Variants in FSTL5 observed in about 807,000 individuals in gnomAD.
FSTL5 encodes the protein follistatin-related protein 5.
In FSTL5, 62 loss-of-function variants were observed where a neutral mutation model predicts 89.1. The observed-to-expected ratio is 0.70, with a 90% CI of 0.57 to 0.86. The LOEUF (loss-of-function observed/expected upper bound fraction) is 0.86, where lower values mean the gene tolerates loss of function less well. Ranked by LOEUF, FSTL5 falls within the 40% of genes least tolerant of loss-of-function variation. The pLI, the probability that FSTL5 is intolerant of heterozygous loss-of-function variation, is 0.00. For missense variants in FSTL5, 1,057 were observed against 1,001.6 expected, an observed-to-expected ratio of 1.06 and a Z score of -0.75; for synonymous variants, 383 against 346.2, an observed-to-expected ratio of 1.11 and a Z score of -1.18.
intron 15 of FSTL5, among the ~76,000 whole-genome samples, chr4:161,449,284 C>A (rs1733066046): frequency 6.6e-6 from 1 of 152,080 alleles, no homozygotes; most frequent in South Asian, 2.1e-4. Context: ...AACCCCTAGA[C>A]AAAAATGGCA....
chr4:162,126,004 A>G (rs1270745963), intron 1 of FSTL5, among the ~76,000 whole-genome samples: 1 of 152,000 alleles, frequency 6.6e-6, no homozygotes. Context: ...AAAATATTCA[A>G]TGTATCTTTC....
At chr4:161,597,674 T>C (rs1734074357) in intron 7 of FSTL5, among the ~76,000 whole-genome samples, 4 of 148,904 alleles carry the variant, frequency 2.7e-5, no homozygotes, top group South Asian at 2.1e-4. Context: ...AAAAAAAGAA[T>C]AAAAAGGAGA....
chr4:161,792,806 C>T (rs1270520280), intron 4 of FSTL5, among the ~76,000 whole-genome samples: 2 of 152,134 alleles, frequency 1.3e-5, no homozygotes, highest in African/African-American at 4.8e-5. Flanking sequence ...TGTCCATGTA[C>T]CTTATTCTTC....
intron 1 of FSTL5, among the ~76,000 whole-genome samples, chr4:162,147,226 G>A (rs1235354753): frequency 6.6e-6 from 1 of 151,688 alleles, no homozygotes; most frequent in Non-Finnish European, 1.5e-5. Flanking sequence ...TCTTATCTGG[G>A]AATTAGTTTC....
intron 4 of FSTL5, among the ~76,000 whole-genome samples, chr4:161,777,608 GC>G (rs1741459293): frequency 6.6e-6 from 1 of 151,472 alleles, no homozygotes; most frequent in African/African-American, 2.4e-5. Flanking sequence ...CTTTTTTAGG[GC>G]CCCTGGTATA....
At chr4:162,068,648 A>G (rs1311589982) in intron 2 of FSTL5, among the ~76,000 whole-genome samples, 1 of 152,090 alleles carries the variant, frequency 6.6e-6, no homozygotes, top group Admixed American at 6.6e-5. Flanking sequence ...AGGCAAAGAT[A>G]TCATGATGAA....
chr4:161,496,822 A>AGAGATAGAGATC (rs1658923446), intron 12 of FSTL5, among the ~76,000 whole-genome samples: 2 of 151,930 alleles, frequency 1.3e-5, no homozygotes, highest in Admixed American at 6.6e-5. Flanking sequence ...AGATAGAGAT[A>AGAGATAGAGATC]GAGATAGAGA....
chr4:161,695,716 T>G (rs1053270066), intron 6 of FSTL5, among the ~76,000 whole-genome samples: 1 of 152,114 alleles, frequency 6.6e-6, no homozygotes. Flanking sequence ...TGATCATTAG[T>G]GATGTTGAGC....
intron 3 of FSTL5, among the ~76,000 whole-genome samples, chr4:161,993,710 T>C (rs1471055479): frequency 1.3e-5 from 2 of 152,072 alleles, no homozygotes; most frequent in African/African-American, 4.8e-5. Context: ...TCTAGCATGC[T>C]TGTTGTGTAG....
At chr4:161,983,597 C>G (rs375754978) in intron 3 of FSTL5, among the ~76,000 whole-genome samples, 1 of 152,070 alleles carries the variant, frequency 6.6e-6, no homozygotes, top group East Asian at 1.9e-4. Context: ...ATATGAAATA[C>G]GTGTCTTCCC....
chr4:161,447,450 T>G (rs1732985743), intron 15 of FSTL5, among the ~76,000 whole-genome samples: 1 of 152,052 alleles, frequency 6.6e-6, no homozygotes, highest in African/African-American at 2.4e-5. Flanking sequence ...GTTCTTCCAC[T>G]TTGGACACAA....
rs566103611 is a variant in FSTL5, at chr4:161,781,912, T to C, written c.410-5838A>G. ...ACTCCATCTATTCATCACTTTCTCC[T>C]GTAACCCTTGGCAACCACTGATTTT... On this transcript the variant is annotated intron_variant, in intron 4 of 15. Transcript: ENST00000306100. Among the ~76,000 whole-genome samples the C allele has an allele frequency of 1.5e-4, 23 of 152,308 alleles. No individual in the cohort carries two copies. In the East Asian group the frequency reaches 3.9e-3, roughly 26 times the overall value.
Position 162,157,675 on chromosome 4 carries a change from C to A in FSTL5, c.-17+5940G>T, listed in dbSNP as rs560674422. 2.0e-5 allele frequency among the ~76,000 whole-genome samples: 3 copies of A among 152,216 alleles called. No individual in the cohort carries two copies. In the South Asian group the frequency reaches 6.2e-4, roughly 32 times the overall value. On this transcript the variant is annotated intron_variant, in intron 1 of 15. Transcript: ENST00000306100. ...AAAATATAAAATAAAAGGCCCTATACGCTTTCCACTTTAAAGTTAAACATT... is the reference window on the plus strand; with the variant it reads ...AAAATATAAAATAAAAGGCCCTATAAGCTTTCCACTTTAAAGTTAAACATT...
At chr4:161,670,506 T>C (rs1461528341) in intron 6 of FSTL5, among the ~76,000 whole-genome samples, 1 of 152,162 alleles carries the variant, frequency 6.6e-6, no homozygotes, top group Non-Finnish European at 1.5e-5. Flanking sequence ...AATGAACTAA[T>C]CCCTCCATGT....
chr4:162,080,552 T>C (rs764290481), intron 2 of FSTL5, among the ~76,000 whole-genome samples: 1 of 151,790 alleles, frequency 6.6e-6, no homozygotes, highest in East Asian at 1.9e-4. Context: ...TTTTATAAAC[T>C]GTGCCATTTA....
intron 15 of FSTL5, among the ~76,000 whole-genome samples, chr4:161,418,492 T>A (rs1731865633): frequency 6.6e-6 from 1 of 152,182 alleles, no homozygotes; most frequent in African/African-American, 2.4e-5. Context: ...AATATTTATT[T>A]CTTGATTTAA....
intron 8 of FSTL5, among the ~76,000 whole-genome samples, chr4:161,584,742 C>T (rs540741425): frequency 2.0e-5 from 3 of 152,246 alleles, no homozygotes; most frequent in South Asian, 2.1e-4. Flanking sequence ...AAATCTAGTG[C>T]TTAAATTATA....
chr4:161,932,021 A>G (rs1365882387), intron 3 of FSTL5, among the ~76,000 whole-genome samples: 1 of 151,980 alleles, frequency 6.6e-6, no homozygotes, highest in African/African-American at 2.4e-5. Flanking sequence ...AGGTTACGGG[A>G]CTATTTAGAG....
chr4:161,928,926 C>T (rs1267098807), intron 3 of FSTL5, among the ~76,000 whole-genome samples: 1 of 151,676 alleles, frequency 6.6e-6, no homozygotes, highest in Non-Finnish European at 1.5e-5. Flanking sequence ...TTTCCTTTCA[C>T]TTATTATCCT....
Sources: gnomAD v4.1 joint callset for allele counts (sites outside exome capture counted in the v4.1 genomes callset) on GRCh38, gnomAD v4.1.1 for gene constraint, MANE v1.5 for transcripts, NCBI Gene and HGNC (gene_info 2026-07-23, HGNC 2026-07-21) for gene names.